DCC: variants seen among roughly 807,000 people sequenced by gnomAD.
The protein encoded by DCC is DCC netrin 1 receptor.
A neutral mutation model predicts 172.5 loss-of-function variants in DCC; 58 were observed. The ratio of observed to expected loss-of-function variants is 0.34; its 90% CI spans 0.27 to 0.42. DCC has a LOEUF of 0.42. Among genes scored for constraint, DCC ranks in the 10% least tolerant of loss-of-function variants. The pLI is 1.00. For synonymous variants in DCC, 709 were observed against 644.5 expected (o/e 1.10, Z -1.52); for missense variants, 1,740 against 1,791.0 (o/e 0.97, Z 0.51).
At chr18:52,972,232 A>G (rs1286620898) in intron 5 of DCC, among the ~76,000 whole-genome samples, 2 of 152,214 alleles carry the variant, frequency 1.3e-5, no homozygotes, top group Non-Finnish European at 2.9e-5. Flanking sequence ...GTGAGAGTAA[A>G]CAAAAACACA....
At chr18:52,625,368 TC>T (rs2034554476) in intron 1 of DCC, among the ~76,000 whole-genome samples, 1 of 152,186 alleles carries the variant, frequency 6.6e-6, no homozygotes, top group Non-Finnish European at 1.5e-5. Context: ...ATTCATTTAT[TC>T]ATTTATTCAC....
At chr18:53,360,173 G>GTT (rs1471417891) in intron 15 of DCC, among the ~76,000 whole-genome samples, 1 of 152,012 alleles carries the variant, frequency 6.6e-6, no homozygotes, top group African/African-American at 2.4e-5. Flanking sequence ...GTGTTTGTGT[G>GTT]TTTTAATCAG....
intron 7 of DCC, among the ~76,000 whole-genome samples, chr18:53,115,893 A>AT (rs763645374): frequency 5.9e-5 from 9 of 151,404 alleles, no homozygotes; most frequent in Middle Eastern, 3.4e-3. Context: ...CAACTTTATG[A>AT]TTTTTTTTAC....
intron 1 of DCC, among the ~76,000 whole-genome samples, chr18:52,354,682 G>T (rs1307676231): frequency 1.3e-5 from 2 of 152,064 alleles, no homozygotes; most frequent in African/African-American, 4.8e-5. Context: ...TTACCAAATT[G>T]GTTTTTATAT....
At chr18:52,944,836 GCT>G (rs1313488431) in intron 5 of DCC, among the ~76,000 whole-genome samples, 1 of 152,104 alleles carries the variant, frequency 6.6e-6, no homozygotes, top group Non-Finnish European at 1.5e-5. Flanking sequence ...CCCACTGAAG[GCT>G]CTGTTTTATT....
intron 16 of DCC, among the ~76,000 whole-genome samples, chr18:53,388,189 A>G (rs1397885516): frequency 6.6e-6 from 1 of 152,252 alleles, no homozygotes; most frequent in East Asian, 1.9e-4. Context: ...AAGGGGTTCG[A>G]GAAGAATGCG....
At position 53,530,832 on chromosome 18, in the gene DCC, G is replaced by A; in HGVS notation, c.*179G>A. 2 of 663,718 alleles carry A rather than the reference G, an allele frequency of 3.0e-6. No homozygotes were observed. The allele number at this position is 663,718 out of a possible 1,614,324, so 41.1% of individuals were successfully genotyped here. A position where few individuals can be genotyped will look rare whatever the true frequency, so the allele number is the denominator to read the frequency against. The stretch of plus-strand genomic sequence containing the variant: ...GGAATAAGCATTCCTTCTTTCACAG[G>A]CATCAGGAATTGTCAAATGATGATT... On this transcript the variant is annotated 3_prime_UTR_variant, in exon 29 of 29. Transcript: ENST00000442544.
intron 23 of DCC, among the ~76,000 whole-genome samples, chr18:53,455,284 A>C (rs35409749): frequency 0.44 from 67,590 of 151,940 alleles, 16,839 homozygotes; most frequent in Non-Finnish European, 0.58. Flanking sequence ...CAACTTTAGC[A>C]GACGATGCCT....
Position 52,557,989 on chromosome 18 carries a change from T to G in DCC, c.92-194065T>G, listed in dbSNP as rs1416443772. Among the ~76,000 whole-genome samples, 6 of 152,204 alleles carry G rather than the reference T, an allele frequency of 3.9e-5. No individual in the cohort carries two copies. The East Asian group carries it at 1.2e-3, about 29-fold the overall frequency. ...TCAAATATTTTTGTTCATTTTGTTT[T>G]GCTTTATAAATAATGTTGTGAGTAT... On this transcript the variant is annotated intron_variant, in intron 1 of 28. Coordinates refer to ENST00000442544, the MANE Select transcript of DCC (RefSeq NM_005215.4).
chr18:53,433,233 A>T (rs1342214729), intron 21 of DCC, among the ~76,000 whole-genome samples: 1 of 152,160 alleles, frequency 6.6e-6, no homozygotes, highest in African/African-American at 2.4e-5. Context: ...GAAATTCACG[A>T]TGTAATCAAT....
Position 53,005,181 on chromosome 18 carries a change from A to C in DCC, c.986-58124A>C, listed in dbSNP as rs1224569813. Among the ~76,000 whole-genome samples, 4 of 152,328 alleles carry C rather than the reference A, an allele frequency of 2.6e-5. No homozygotes were observed. In the East Asian group the frequency reaches 7.7e-4, roughly 29 times the overall value. Reference sequence around the variant, plus strand: ...AACCTCTGTTTTGCATAACTTACCCAGTCTCAGGTATTCTGTTATAGTAAC... The same window carrying C: ...AACCTCTGTTTTGCATAACTTACCCCGTCTCAGGTATTCTGTTATAGTAAC... On this transcript the variant is annotated intron_variant, in intron 5 of 28. Transcript: ENST00000442544.
At chr18:52,951,125 T>A (rs564558657) in intron 5 of DCC, among the ~76,000 whole-genome samples, 1 of 152,004 alleles carries the variant, frequency 6.6e-6, no homozygotes, top group Non-Finnish European at 1.5e-5. Flanking sequence ...AATGTTTCAG[T>A]TGAGAATGCA....
intron 1 of DCC, among the ~76,000 whole-genome samples, chr18:52,591,787 C>CTTT (rs370150482): frequency 9.6e-5 from 12 of 125,130 alleles, no homozygotes; most frequent in African/African-American, 2.0e-4. Context: ...TTATTTATTT[C>CTTT]TTTTTTTTTT....
intron 7 of DCC, among the ~76,000 whole-genome samples, chr18:53,096,219 G>C (rs1161468374): frequency 1.3e-5 from 2 of 152,160 alleles, no homozygotes; most frequent in South Asian, 4.2e-4. Context: ...CAAGTCTATA[G>C]TCCTAGCTAC....
At chr18:52,667,710 C>T (rs2035480367) in intron 1 of DCC, among the ~76,000 whole-genome samples, 1 of 152,212 alleles carries the variant, frequency 6.6e-6, no homozygotes, top group African/African-American at 2.4e-5. Flanking sequence ...TTACCAACTG[C>T]TTCCCCTGGA....
intron 12 of DCC, among the ~76,000 whole-genome samples, chr18:53,255,210 GT>G (rs1229265935): frequency 1.3e-5 from 2 of 149,598 alleles, no homozygotes; most frequent in African/African-American, 2.5e-5. Flanking sequence ...GAGGTTTTTT[GT>G]TTTTTTTTCT....
chr18:53,141,352 A>G (rs552059735), intron 7 of DCC, among the ~76,000 whole-genome samples: 1 of 152,334 alleles, frequency 6.6e-6, no homozygotes, highest in South Asian at 2.1e-4. Flanking sequence ...GTATGAAACA[A>G]AGGGTGGACC....
chr18:53,409,210 T>C (rs2145051938), intron 19 of DCC, among the ~76,000 whole-genome samples: 1 of 152,230 alleles, frequency 6.6e-6, no homozygotes, highest in Admixed American at 6.6e-5. Flanking sequence ...AGCGAAGGTT[T>C]GTGCTGAGAT....
intron 15 of DCC, among the ~76,000 whole-genome samples, chr18:53,344,023 G>A (rs768859569): frequency 4.0e-5 from 6 of 151,062 alleles, no homozygotes; most frequent in Non-Finnish European, 7.4e-5. Context: ...TCTTTTTTTT[G>A]TGATATCTAG....
Sources: gnomAD v4.1 joint callset for allele counts (sites outside exome capture counted in the v4.1 genomes callset) on GRCh38, gnomAD v4.1.1 for gene constraint, MANE v1.5 for transcripts, NCBI Gene and HGNC (gene_info 2026-07-23, HGNC 2026-07-21) for gene names.